Variants in ZFPM2 observed in about 807,000 individuals in gnomAD.
ZFPM2 encodes the protein zinc finger protein ZFPM2.
ZFPM2 carries 20 observed loss-of-function variants against 98.6 expected under a neutral mutation model. The ratio of observed to expected loss-of-function variants is 0.20; its 90% CI spans 0.14 to 0.29. ZFPM2 has a LOEUF of 0.29. ZFPM2 is among the 10% of genes least tolerant of loss of function. The pLI is 1.00. For missense variants in ZFPM2, 1,310 were observed against 1,388.6 expected, an observed-to-expected ratio of 0.94 and a Z score of 0.90; for synonymous variants, 518 against 502.7, an observed-to-expected ratio of 1.03 and a Z score of -0.41.
intron 5 of ZFPM2, among the ~76,000 whole-genome samples, chr8:105,665,127 A>G (rs894720197): frequency 6.6e-6 from 1 of 152,144 alleles, no homozygotes; most frequent in Non-Finnish European, 1.5e-5. Flanking sequence ...GGAAGGTACC[A>G]TATGGTGAGA....
chr8:105,687,795 G>A (rs2130931783), intron 5 of ZFPM2, among the ~76,000 whole-genome samples: 1 of 152,116 alleles, frequency 6.6e-6, no homozygotes, highest in East Asian at 1.9e-4. Flanking sequence ...AGAAAACTTA[G>A]CTGCATAAAG....
intron 3 of ZFPM2, among the ~76,000 whole-genome samples, chr8:105,499,471 A>G (rs1813543894): frequency 6.6e-6 from 1 of 152,210 alleles, no homozygotes; most frequent in African/African-American, 2.4e-5. Flanking sequence ...ACAAACAAAC[A>G]AAAGAAACCT....
intron 2 of ZFPM2, among the ~76,000 whole-genome samples, chr8:105,425,110 C>A (rs1402089026): frequency 1.3e-5 from 2 of 152,050 alleles, no homozygotes; most frequent in Admixed American, 6.5e-5. Context: ...AGCTGGGGAG[C>A]AGAAGAGGCA....
At position 105,744,567 on chromosome 8, in the gene ZFPM2, T is replaced by G. The variant is rs556530548; in HGVS notation, c.533-44151T>G. Among the ~76,000 whole-genome samples, 3 of 152,150 alleles carry G rather than the reference T, an allele frequency of 2.0e-5. No individual in the cohort carries two copies. In the East Asian group the frequency reaches 5.8e-4, roughly 30 times the overall value. On this transcript the variant is annotated intron_variant, in intron 5 of 7. Transcript: ENST00000407775. ...AAAGGTCCACCATAGGAAAAATGAG[T>G]TTTTTTAATGGTATATAACTGGGGA...
chr8:105,728,630 G>A (rs965176219), intron 5 of ZFPM2, among the ~76,000 whole-genome samples: 2 of 151,732 alleles, frequency 1.3e-5, no homozygotes, highest in South Asian at 2.1e-4. Context: ...CACAGGAAAG[G>A]CATATCTACA....
chr8:105,418,790 C>G, intron 1 of ZFPM2: 1 of 514,524 alleles, frequency 1.9e-6, no homozygotes, highest in Non-Finnish European at 3.8e-6. Context: ...GAGACTTGTA[C>G]TCTTTACCAG....
intron 4 of ZFPM2, among the ~76,000 whole-genome samples, chr8:105,628,466 A>G (rs555609604): frequency 1.1e-4 from 17 of 152,290 alleles, no homozygotes; most frequent in African/African-American, 3.8e-4. Flanking sequence ...CAAGCCAAAA[A>G]GCCTGAAACT....
At chr8:105,543,688 C>G (rs1397130919) in intron 3 of ZFPM2, among the ~76,000 whole-genome samples, 1 of 152,060 alleles carries the variant, frequency 6.6e-6, no homozygotes, top group Non-Finnish European at 1.5e-5. Context: ...TTTAAGTCAT[C>G]CTATATATTT....
At chr8:105,369,603 A>G (rs1810578717) in intron 1 of ZFPM2, among the ~76,000 whole-genome samples, 1 of 152,200 alleles carries the variant, frequency 6.6e-6, no homozygotes, top group South Asian at 2.1e-4. Flanking sequence ...TAGTAGCAGC[A>G]AAATGATTTT....
At chr8:105,345,957 T>C (rs1812515450) in intron 1 of ZFPM2, among the ~76,000 whole-genome samples, 1 of 152,216 alleles carries the variant, frequency 6.6e-6, no homozygotes, top group Non-Finnish European at 1.5e-5. Context: ...AATGTTTTTT[T>C]CAATAAATGT....
At chr8:105,402,273 A>G (rs944140288) in intron 1 of ZFPM2, among the ~76,000 whole-genome samples, 1 of 151,960 alleles carries the variant, frequency 6.6e-6, no homozygotes, top group Non-Finnish European at 1.5e-5. Context: ...TTTTATTCTA[A>G]TCTTCAATTT....
intron 1 of ZFPM2, among the ~76,000 whole-genome samples, chr8:105,346,997 G>C (rs1217264513): frequency 6.6e-6 from 1 of 152,178 alleles, no homozygotes. Flanking sequence ...GTACAATGCA[G>C]AATGAAGTGT....
At chr8:105,574,167 C>T (rs1188294999) in intron 4 of ZFPM2, among the ~76,000 whole-genome samples, 2 of 152,108 alleles carry the variant, frequency 1.3e-5, no homozygotes, top group East Asian at 1.9e-4. Context: ...ACGAATATAG[C>T]TTCATATACG....
chr8:105,594,529 T>C (rs1384915700), intron 4 of ZFPM2, among the ~76,000 whole-genome samples: 1 of 152,090 alleles, frequency 6.6e-6, no homozygotes, highest in Admixed American at 6.6e-5. Flanking sequence ...AGTAAATATT[T>C]TGGTTCAAGG....
intron 5 of ZFPM2, among the ~76,000 whole-genome samples, chr8:105,681,586 G>C (rs1005740452): frequency 3.2e-4 from 48 of 152,170 alleles, no homozygotes; most frequent in African/African-American, 1.1e-3. Context: ...TCTGAGTGTT[G>C]GATTCCTCAT....
chr8:105,408,312 G>T (rs530437730), intron 1 of ZFPM2, among the ~76,000 whole-genome samples: 1 of 151,886 alleles, frequency 6.6e-6, no homozygotes, highest in Non-Finnish European at 1.5e-5. Context: ...TTTATAGGGA[G>T]GTGCTTTTGG....
At chr8:105,330,545 T>G (rs1256257702) in intron 1 of ZFPM2, among the ~76,000 whole-genome samples, 7 of 70,442 alleles carry the variant, frequency 9.9e-5, no homozygotes, top group Non-Finnish European at 1.9e-4. Flanking sequence ...TCTCTATATA[T>G]ATATATACAT....
At chr8:105,584,877 C>T (rs1563730753) in intron 4 of ZFPM2, among the ~76,000 whole-genome samples, 1 of 152,080 alleles carries the variant, frequency 6.6e-6, no homozygotes, top group Admixed American at 6.5e-5. Context: ...ATGTTTCTGT[C>T]TTTAAAGGTA....
At chr8:105,711,548 C>T (rs1289320591) in intron 5 of ZFPM2, among the ~76,000 whole-genome samples, 5 of 151,944 alleles carry the variant, frequency 3.3e-5, no homozygotes, top group African/African-American at 4.8e-5. Flanking sequence ...TATATATGAA[C>T]TTGTTACTAA....
Sources: allele counts gnomAD v4.1 joint callset (sites outside exome capture counted in the v4.1 genomes callset), GRCh38; gene constraint gnomAD v4.1.1; transcripts MANE v1.5; gene names NCBI Gene and HGNC (gene_info 2026-07-23, HGNC 2026-07-21).